Variants in CDH13 observed in about 807,000 individuals in gnomAD.
CDH13 encodes the protein cadherin 13.
Under a neutral mutation model 63.8 loss-of-function variants are expected in CDH13, and 24 were observed. The ratio of observed to expected loss-of-function variants is 0.38; its 90% CI spans 0.27 to 0.53. The LOEUF is 0.53. CDH13 is among the 20% of genes least tolerant of loss of function. The probability of loss-of-function intolerance (pLI) is 0.85; values close to 1 mark genes in which losing one functional copy is unlikely to be tolerated. For synonymous variants in CDH13, 503 were observed against 355.3 expected, an observed-to-expected ratio of 1.42 and a Z score of -4.67; for missense variants, 1,049 against 903.1, an observed-to-expected ratio of 1.16 and a Z score of -2.07.
chr16:83,241,533 G>C (rs1307167014), intron 5 of CDH13, among the ~76,000 whole-genome samples: 1 of 152,098 alleles, frequency 6.6e-6, no homozygotes, highest in Non-Finnish European at 1.5e-5. Context: ...TAATGGCTTT[G>C]TGCAGTGACA....
At chr16:82,911,482 T>A (rs1017865452) in intron 2 of CDH13, among the ~76,000 whole-genome samples, 2 of 152,196 alleles carry the variant, frequency 1.3e-5, no homozygotes, top group Admixed American at 1.3e-4. Context: ...GGAATCTTGA[T>A]GTTGCCTCCT....
chr16:82,828,045 A>T (rs2038339941), intron 1 of CDH13, among the ~76,000 whole-genome samples: 1 of 152,166 alleles, frequency 6.6e-6, no homozygotes, highest in Admixed American at 6.5e-5. Flanking sequence ...ACAGTTGGTC[A>T]TCCTATTATG....
chr16:82,966,125 A>G (rs966356039), intron 2 of CDH13, among the ~76,000 whole-genome samples: 3 of 152,256 alleles, frequency 2.0e-5, no homozygotes, highest in Non-Finnish European at 4.4e-5. Flanking sequence ...CCTGAGAAGT[A>G]GATACTATTT....
intron 3 of CDH13, among the ~76,000 whole-genome samples, chr16:83,102,997 G>A (rs1170965383): frequency 1.7e-5 from 2 of 116,050 alleles, no homozygotes; most frequent in Non-Finnish European, 3.4e-5. Context: ...CTGTCACCCA[G>A]GTTGGAGTGC....
At chr16:83,485,865 C>T (rs1054162212) in intron 6 of CDH13, among the ~76,000 whole-genome samples, 1 of 152,096 alleles carries the variant, frequency 6.6e-6, no homozygotes, top group Non-Finnish European at 1.5e-5. Context: ...AAAATGAAGG[C>T]CATGGCTAGA....
chr16:82,720,445 C>G (rs894448957), intron 1 of CDH13, among the ~76,000 whole-genome samples: 2 of 152,110 alleles, frequency 1.3e-5, no homozygotes, highest in Non-Finnish European at 2.9e-5. Context: ...TGGCCAAAGC[C>G]TCTGCTAGCA....
chr16:83,128,073 G>T (rs2035889896), intron 4 of CDH13, among the ~76,000 whole-genome samples: 1 of 152,180 alleles, frequency 6.6e-6, no homozygotes, highest in Non-Finnish European at 1.5e-5. Flanking sequence ...TCGTTTTTCA[G>T]TTTTCTTTTA....
At chr16:82,633,563 G>C (rs768739574) in intron 1 of CDH13, among the ~76,000 whole-genome samples, 1 of 152,116 alleles carries the variant, frequency 6.6e-6, no homozygotes, top group Non-Finnish European at 1.5e-5. Context: ...ATTTTTAGTA[G>C]AGACGGGGTT....
intron 1 of CDH13, among the ~76,000 whole-genome samples, chr16:82,832,347 A>T (rs1419000522): frequency 2.6e-5 from 4 of 152,116 alleles, no homozygotes; most frequent in Non-Finnish European, 5.9e-5. Context: ...AACCCTTATT[A>T]ATGCATTGTC....
chr16:83,698,702 C>T (rs1309712746), intron 10 of CDH13, among the ~76,000 whole-genome samples: 2 of 152,234 alleles, frequency 1.3e-5, no homozygotes, highest in Non-Finnish European at 2.9e-5. Context: ...GGGTCAGTAA[C>T]CCCAACCTTC....
At chr16:83,411,909 G>T (rs540370314) in intron 6 of CDH13, among the ~76,000 whole-genome samples, 34 of 152,240 alleles carry the variant, frequency 2.2e-4, no homozygotes, top group South Asian at 1.0e-3. Context: ...GGAAAAACAC[G>T]AGCTTGTAAT....
chr16:82,840,751 A>G (rs1042394909), intron 1 of CDH13, among the ~76,000 whole-genome samples: 2 of 151,988 alleles, frequency 1.3e-5, no homozygotes, highest in African/African-American at 4.8e-5. Flanking sequence ...CCCAGGATCT[A>G]GATGACAGTA....
intron 7 of CDH13, among the ~76,000 whole-genome samples, chr16:83,504,445 A>G (rs902202164): frequency 6.6e-6 from 1 of 152,226 alleles, no homozygotes; most frequent in East Asian, 1.9e-4. Flanking sequence ...CCACCAGAAG[A>G]CACTCAGCCT....
intron 13 of CDH13, chr16:83,789,871 C>G (rs894275740): frequency 1.3e-5 from 2 of 152,084 alleles, no homozygotes; most frequent in Admixed American, 6.5e-5. Context: ...TGTGCCCGTT[C>G]TCTGCTGCAG....
intron 1 of CDH13, among the ~76,000 whole-genome samples, chr16:82,759,451 T>C (rs1044530600): frequency 6.6e-6 from 1 of 151,808 alleles, no homozygotes; most frequent in Admixed American, 6.6e-5. Flanking sequence ...CTGTTTCTAA[T>C]ATACTGAATG....
chr16:83,076,947 A>T (rs73598135), intron 3 of CDH13, among the ~76,000 whole-genome samples: 1 of 151,944 alleles, frequency 6.6e-6, no homozygotes, highest in Non-Finnish European at 1.5e-5. Context: ...ACTGAATACA[A>T]CTGTGCAACC....
At chr16:83,761,050 G>T (rs751821750) in intron 11 of CDH13, among the ~76,000 whole-genome samples, 1 of 152,178 alleles carries the variant, frequency 6.6e-6, no homozygotes, top group Non-Finnish European at 1.5e-5. Context: ...GCTACACACA[G>T]CTCAACATAC....
At chr16:83,228,571 C>A (rs935083101) in intron 5 of CDH13, among the ~76,000 whole-genome samples, 1 of 152,164 alleles carries the variant, frequency 6.6e-6, no homozygotes, top group African/African-American at 2.4e-5. Context: ...GACATGAGGT[C>A]AAAGCAAATT....
At chr16:83,419,061 G>A (rs778698941) in intron 6 of CDH13, among the ~76,000 whole-genome samples, 7 of 152,114 alleles carry the variant, frequency 4.6e-5, no homozygotes, top group Non-Finnish European at 1.0e-4. Flanking sequence ...TGTGCCCTTA[G>A]TGAAGTAAGG....
Sources: gnomAD v4.1 joint callset for allele counts (sites outside exome capture counted in the v4.1 genomes callset) on GRCh38, gnomAD v4.1.1 for gene constraint, MANE v1.5 for transcripts, NCBI Gene and HGNC (gene_info 2026-07-23, HGNC 2026-07-21) for gene names.